Variants in ALPK2 observed in about 807,000 individuals in gnomAD.
ALPK2 encodes the protein alpha kinase 2, also known as alpha-protein kinase 2.
In ALPK2, 127 loss-of-function variants were observed where a neutral mutation model predicts 163.1. That is an observed-to-expected ratio of 0.78 (90% CI 0.67 to 0.90). The LOEUF is 0.90. ALPK2 is among the 40% of genes least tolerant of loss of function. The pLI, the probability that ALPK2 is intolerant of heterozygous loss-of-function variation, is 0.00. For missense variants in ALPK2, 2,360 were observed against 2,589.6 expected (o/e 0.91, Z 1.92); for synonymous variants, 953 against 959.1 (o/e 0.99, Z 0.12).
At chr18:58,577,294 A>G (rs929822062) in intron 4 of ALPK2, among the ~76,000 whole-genome samples, 2 of 152,234 alleles carry the variant, frequency 1.3e-5, no homozygotes, top group African/African-American at 2.4e-5. Context: ...TGGTGGATCT[A>G]AAACCAATAT....
intron 3 of ALPK2, among the ~76,000 whole-genome samples, chr18:58,592,881 G>C (rs2052021469): frequency 6.6e-6 from 1 of 152,188 alleles, no homozygotes; most frequent in African/African-American, 2.4e-5. Context: ...CCGGTGACAT[G>C]AGGATTAAGG....
At chr18:58,496,517 T>C (rs2051401951) in intron 12 of ALPK2, among the ~76,000 whole-genome samples, 1 of 152,244 alleles carries the variant, frequency 6.6e-6, no homozygotes, top group Non-Finnish European at 1.5e-5. Flanking sequence ...TCAGACTTAC[T>C]GACCTGGAGG....
At chr18:58,501,852 T>A (rs1158780523) in intron 11 of ALPK2, among the ~76,000 whole-genome samples, 4 of 152,016 alleles carry the variant, frequency 2.6e-5, no homozygotes, top group Admixed American at 2.6e-4. Flanking sequence ...CCAAGTCAAG[T>A]TTCTAGTGTA....
Position 58,538,200 on chromosome 18 carries a change from C to G in ALPK2, c.1987G>C (p.Glu663Gln). 1 of 1,611,596 alleles carries G rather than the reference C, an allele frequency of 6.2e-7. No individual in the cohort carries two copies. Among genetic ancestry groups the G allele is most frequent in the Non-Finnish European group, 8.5e-7 (1 of 1,179,960 alleles). Residue 663 changes from glutamate to glutamine, a missense_variant, in exon 5 of 13, where the codon GAG becomes CAG. Transcript: ENST00000361673. The part of the protein sequence containing the change: ...PQVQVQETVR[E>Q]TISCSQMPAF... Reference sequence around the variant, plus strand: ...GGCATCTGGCTGCAAGAGATTGTCTCTCTGACTGTTTCCTGAACTTGTACC... The same window carrying G: ...GGCATCTGGCTGCAAGAGATTGTCTGTCTGACTGTTTCCTGAACTTGTACC...
At chr18:58,516,125 A>G (rs2051520021) in intron 9 of ALPK2, among the ~76,000 whole-genome samples, 1 of 151,792 alleles carries the variant, frequency 6.6e-6, no homozygotes, top group Non-Finnish European at 1.5e-5. Context: ...AGGCTGAGGC[A>G]GGAGGGTTGC....
intron 4 of ALPK2, among the ~76,000 whole-genome samples, chr18:58,550,447 CATA>C (rs2051747644): frequency 6.8e-6 from 1 of 146,040 alleles, no homozygotes; most frequent in Non-Finnish European, 1.5e-5. Context: ...CCATCTATAT[CATA>C]TACAACCCCA....
intron 3 of ALPK2, among the ~76,000 whole-genome samples, chr18:58,587,715 A>T (rs2051994516): frequency 6.6e-6 from 1 of 152,198 alleles, no homozygotes; most frequent in Admixed American, 6.5e-5. Flanking sequence ...AAGAGAAAAG[A>T]ATGTAGAAAA....
At chr18:58,522,925 T>G (rs2051563057) in intron 8 of ALPK2, among the ~76,000 whole-genome samples, 1 of 152,150 alleles carries the variant, frequency 6.6e-6, no homozygotes, top group Non-Finnish European at 1.5e-5. Flanking sequence ...TTTCTGATTT[T>G]TTTTTAATTA....
At chr18:58,608,067 C>A (rs2052107827) in intron 2 of ALPK2, among the ~76,000 whole-genome samples, 1 of 152,206 alleles carries the variant, frequency 6.6e-6, no homozygotes, top group South Asian at 2.1e-4. Flanking sequence ...CTGGTTTCTT[C>A]TCTAATTAAT....
At chr18:58,595,220 C>T (rs1051348163) in intron 3 of ALPK2, among the ~76,000 whole-genome samples, 6 of 152,170 alleles carry the variant, frequency 3.9e-5, no homozygotes, top group African/African-American at 9.7e-5. Flanking sequence ...TTCCCTCCCT[C>T]GTGCTGCTTT....
chr18:58,572,091 TAACA>T (rs1230128295), intron 4 of ALPK2, among the ~76,000 whole-genome samples: 1 of 151,844 alleles, frequency 6.6e-6, no homozygotes, highest in East Asian at 1.9e-4. Flanking sequence ...GAAATGGACT[TAACA>T]GACATTTCCC....
At chr18:58,613,770 G>T in intron 1 of ALPK2, among the ~76,000 whole-genome samples, 1 of 150,858 alleles carries the variant, frequency 6.6e-6, no homozygotes, top group Non-Finnish European at 1.5e-5. Flanking sequence ...CACCCTTCTG[G>T]GCTCAGGGCC....
intron 8 of ALPK2, among the ~76,000 whole-genome samples, chr18:58,522,847 C>T (rs529188075): frequency 4.6e-5 from 7 of 152,168 alleles, no homozygotes; most frequent in African/African-American, 1.7e-4. Context: ...AATGAACTTA[C>T]AATAGGAAGT....
intron 3 of ALPK2, among the ~76,000 whole-genome samples, chr18:58,603,538 C>T (rs573457987): frequency 2.6e-5 from 4 of 152,362 alleles, no homozygotes; most frequent in Middle Eastern, 6.8e-3. Context: ...TCCTCCGCCC[C>T]CTTCCCCTTC....
chr18:58,578,209 A>C (rs1008176360), intron 4 of ALPK2: 13 of 152,210 alleles, frequency 8.5e-5, no homozygotes, highest in African/African-American at 2.9e-4. Context: ...TAAACAAAAT[A>C]AGACAAACAT....
chr18:58,529,501 A>AT (rs758433523), intron 5 of ALPK2, among the ~76,000 whole-genome samples: 7 of 152,230 alleles, frequency 4.6e-5, no homozygotes, highest in Non-Finnish European at 1.0e-4. Context: ...AACTTGAGAG[A>AT]TTTTTTCTAA....
chr18:58,590,259 G>A (rs1038387910), intron 3 of ALPK2, among the ~76,000 whole-genome samples: 3 of 150,212 alleles, frequency 2.0e-5, no homozygotes, highest in Non-Finnish European at 4.4e-5. Flanking sequence ...ATTATCTCTG[G>A]AATTTAGATA....
intron 12 of ALPK2, among the ~76,000 whole-genome samples, chr18:58,495,111 CCA>C (rs1383645790): frequency 2.6e-5 from 4 of 152,164 alleles, no homozygotes; most frequent in African/African-American, 9.7e-5. Flanking sequence ...GGTTTCCACT[CCA>C]GAGGGGTTCC....
chr18:58,579,351 T>C lies in ALPK2; in HGVS notation c.1425A>G (p.Ala475=). ...IQGETRDSHQ[A]REEFASDNLL... is the part of the protein sequence containing the mutation. Reference sequence around the variant, plus strand: ...GATTGTCACTGGCAAATTCCTCTCTTGCTTGGTGGCTGTCTCTGGTTTCTC... The same window carrying C: ...GATTGTCACTGGCAAATTCCTCTCTCGCTTGGTGGCTGTCTCTGGTTTCTC... The change falls in exon 4 of 13, where the codon GCA becomes GCG. Residue 475 remains alanine, a synonymous_variant. Transcript: ENST00000361673. 1 of 1,614,212 alleles carries C rather than the reference T, an allele frequency of 6.2e-7. No individual in the cohort carries two copies. The highest frequency in any genetic ancestry group is 8.5e-7 in the Non-Finnish European group (1 of 1,180,026).
Sources: gnomAD v4.1 joint callset for allele counts (sites outside exome capture counted in the v4.1 genomes callset) on GRCh38, gnomAD v4.1.1 for gene constraint, MANE v1.5 for transcripts, NCBI Gene and HGNC (gene_info 2026-07-23, HGNC 2026-07-21) for gene names.